DNAH1: variants seen among roughly 807,000 people sequenced by gnomAD.
DNAH1 encodes the protein axonemal beta dynein heavy chain 1.
A neutral mutation model predicts 484.3 loss-of-function variants in DNAH1; 327 were observed. That is an observed-to-expected ratio of 0.68 (90% CI 0.62 to 0.74). The LOEUF is 0.74. Ranked by LOEUF, DNAH1 falls within the 30% of genes least tolerant of loss-of-function variation. The probability of loss-of-function intolerance (pLI) is 0.00; values close to 1 mark genes in which losing one functional copy is unlikely to be tolerated. For synonymous variants in DNAH1, 2,192 were observed against 2,191.9 expected (o/e 1.00, Z 0.00); for missense variants, 5,052 against 5,546.8 (o/e 0.91, Z 2.83).
rs534846709 is a variant in DNAH1 at position 52,383,460 on chromosome 3, G to A, written c.8016G>A (p.Ala2672=). The part of the protein sequence containing the change: ...NSGDIPNLYT[A]DEQDQIVSTM... ...GTGACATTCCCAATCTGTATACTGC[G>A]GACGAGCAGGACCAGATCGTCAGCA... The change falls in exon 51 of 78, where the codon GCG becomes GCA. Residue 2672 remains alanine, a synonymous_variant. Coordinates refer to ENST00000420323, the MANE Select transcript of DNAH1 (RefSeq NM_015512.5). 1.7e-5 allele frequency: 28 copies of A among 1,613,996 alleles called. No individual in the cohort carries two copies. The highest frequency in any genetic ancestry group is 1.7e-4 in the Admixed American group (10 of 60,022).
chr3:52,315,295 C>T (rs1389051712), upstream of DNAH1, among the ~76,000 whole-genome samples: 1 of 152,220 alleles, frequency 6.6e-6, no homozygotes, highest in Admixed American at 6.5e-5. Flanking sequence ...GGTAGCTCAG[C>T]CACTCAGTCT....
Position 52,381,764 on chromosome 3 carries a change from C to T in DNAH1, c.7733C>T (p.Ala2578Val), listed in dbSNP as rs1479974777. ...CGCATCAGCCGCACCCTACGCCAGG[C>T]GCTGGGCAATGCACTCCTGCTGGGC... ...ICRISRTLRQ[A>V]LGNALLLGVG... Residue 2578 changes from alanine (A) to valine (V), a missense_variant, in exon 49 of 78, where the codon GCG becomes GTG. Physicochemically the swap from Ala to Val is moderately conservative, Grantham distance 64. Coordinates refer to ENST00000420323, the MANE Select transcript of DNAH1 (RefSeq NM_015512.5). This position sits in a 1 kb window ranked among gnomAD's most constrained non-coding sequence, Gnocchi z 4.1. 8 of 1,605,176 alleles carry T rather than the reference C, an allele frequency of 5.0e-6. No individual in the cohort carries two copies. The highest frequency in any genetic ancestry group is 3.4e-5 in the Admixed American group (2 of 59,060).
chr3:52,392,952 C>T lies in DNAH1; in HGVS notation c.10401C>T (p.Asp3467=), dbSNP rs1578201431. ...GTGTGTCCGACCTGGCCAACGTGGACCCCATGTACCAGTACTCCCTTGAGT... is the reference window on the plus strand; with the variant it reads ...GTGTGTCCGACCTGGCCAACGTGGATCCCATGTACCAGTACTCCCTTGAGT... ...FFCVSDLANV[D]PMYQYSLEWF... is the part of the protein sequence containing the mutation. The change falls in exon 65 of 78, where the codon GAC becomes GAT. Residue 3467 remains aspartate, a synonymous_variant. Transcript: ENST00000420323. The T allele has an allele frequency of 6.2e-7, 1 of 1,613,770 alleles. No homozygotes were observed. Among genetic ancestry groups the T allele is most frequent in the Non-Finnish European group, 8.5e-7 (1 of 1,179,846 alleles).
Position 52,353,566 on chromosome 3 carries a change from T to G in DNAH1, c.3413T>G (p.Leu1138Arg). The change falls in exon 20 of 78, where the codon CTG becomes CGG. Residue 1138 changes from leucine to arginine, a missense_variant. Around this residue, in one of 4 missense-constraint regions of DNAH1, gnomAD observed 2,929 missense variants for 3,409.4 expected, o/e 0.86. Transcript: ENST00000420323. This position sits in a 1 kb window ranked among gnomAD's most constrained non-coding sequence, Gnocchi z 5.0. Reference sequence around the variant, plus strand: ...TTTGCTCGCTGCCTGGAGATGAACCTGCAGGACCATATCGAGAGCATCAGC... The same window carrying G: ...TTTGCTCGCTGCCTGGAGATGAACCGGCAGGACCATATCGAGAGCATCAGC... ...LTFARCLEMNLQDHIESISKV... is the reference protein window; with the variant it reads ...LTFARCLEMNRQDHIESISKV... The G allele has an allele frequency of 6.2e-7, 1 of 1,613,188 alleles. No homozygotes were observed. Among genetic ancestry groups the G allele is most frequent in the Non-Finnish European group, 8.5e-7 (1 of 1,179,606 alleles).
At position 52,378,879 on chromosome 3, in the gene DNAH1, G is replaced by C. The variant is rs1703720475; in HGVS notation, c.7377+99G>C. 1.4e-5 allele frequency: 21 copies of C among 1,481,434 alleles called. 1 individual carries two copies. The South Asian group carries it at 2.6e-4, about 18-fold the overall frequency. The allele number at this position is 1,481,434 out of a possible 1,614,324, so 91.8% of individuals were successfully genotyped here. On this transcript the variant is annotated intron_variant, in intron 47 of 77. Coordinates refer to ENST00000420323, the MANE Select transcript of DNAH1 (RefSeq NM_015512.5). ...GCCTTCCTGCCCAAACAGGCCCTGAGTGGGGCTTCCTGGAACATGGAGGTG... is the reference window on the plus strand; with the variant it reads ...GCCTTCCTGCCCAAACAGGCCCTGACTGGGGCTTCCTGGAACATGGAGGTG...
chr3:52,396,923 G>A lies in DNAH1; in HGVS notation c.11666G>A (p.Trp3889Ter), dbSNP rs1559576203. Reference sequence around the variant, plus strand: ...TACGGGGGCCGTGTCACTGATGACTGGGACCGGCGCTGCATCATGAACATC... The same window carrying A: ...TACGGGGGCCGTGTCACTGATGACTAGGACCGGCGCTGCATCATGAACATC... ...INYGGRVTDD[W>*]DRRCIMNILE... The change falls in exon 73 of 78, where the codon TGG becomes TAG. Residue 3889 changes from tryptophan to a stop codon, truncating the protein, a stop_gained. Transcript: ENST00000420323. LOFTEE classifies it high-confidence loss of function. The A allele has an allele frequency of 6.2e-7, 1 of 1,613,436 alleles. No homozygotes were observed. Among genetic ancestry groups the A allele is most frequent in the Non-Finnish European group, 8.5e-7 (1 of 1,179,826 alleles).
chr3:52,355,901 G>A lies in DNAH1; in HGVS notation c.3694-713G>A, dbSNP rs771084385. On this transcript the variant is annotated intron_variant, in intron 21 of 77. Coordinates refer to ENST00000420323, the MANE Select transcript of DNAH1 (RefSeq NM_015512.5). This position sits in a 1 kb window ranked among gnomAD's most constrained non-coding sequence, Gnocchi z 4.5. ...TCTTTCAGAGTCCACTACACATGCC[G>A]GGCCCATGATTCAGGGGCAGAACTG... is the stretch of plus-strand genomic sequence containing the variant. 7.9e-5 allele frequency among the ~76,000 whole-genome samples: 12 copies of A among 152,308 alleles called. No individual in the cohort carries two copies. Among genetic ancestry groups the A allele is most frequent in the East Asian group, 1.9e-4 (1 of 5,186 alleles).
rs1316785961 is a variant in DNAH1, at chr3:52,391,957, G to A, written c.10052+354G>A. On this transcript the variant is annotated intron_variant, in intron 63 of 77. Coordinates refer to ENST00000420323, the MANE Select transcript of DNAH1 (RefSeq NM_015512.5). ...CAGAGCTGACCCAGAGCCCTGAGTC[G>A]GGCACACTCTGGCTCTTTGAATCCA... 3.4e-4 allele frequency among the ~76,000 whole-genome samples: 51 copies of A among 152,108 alleles called. 1 individual carries two copies. The highest frequency in any genetic ancestry group is 3.2e-3 in the Admixed American group (49 of 15,272).
intron 46 of DNAH1, among the ~76,000 whole-genome samples, chr3:52,378,062 T>C (rs139918184): frequency 2.6e-5 from 4 of 152,128 alleles, no homozygotes; most frequent in African/African-American, 4.8e-5. Flanking sequence ...AGAATTTGGG[T>C]TCCCAGCACA....
chr3:52,369,623 GTCC>G (rs1359394406), intron 37 of DNAH1, among the ~76,000 whole-genome samples, 199 bp from the exon 38 acceptor site: 1 of 152,080 alleles, frequency 6.6e-6, no homozygotes, highest in African/African-American at 2.4e-5. Context: ...CTGACTTGGG[GTCC>G]TCCTCAGGGC....
chr3:52,315,178 G>C (rs1033651492), upstream of DNAH1, among the ~76,000 whole-genome samples: 2 of 152,110 alleles, frequency 1.3e-5, no homozygotes, highest in African/African-American at 2.4e-5. Context: ...CCCCGCCCCC[G>C]ATGCCTGCAA....
rs933455460 is a variant in DNAH1 at position 52,359,475 on chromosome 3, T to A, written c.4407+89T>A. 25 of 1,506,440 alleles carry A rather than the reference T, an allele frequency of 1.7e-5. No individual in the cohort carries two copies. The South Asian group carries it at 3.2e-4, about 19-fold the overall frequency. 93.3% of individuals were successfully genotyped at this position (1,506,440 alleles called of 1,614,324 possible). On this transcript the variant is annotated intron_variant, in intron 26 of 77. Transcript: ENST00000420323. ...TCCCTCCGGAAGCTTTCTCCTATAG[T>A]GAGCCTGGAAGAGGCCTGGGGTTGG...
chr3:52,341,342 G>A (rs1163933352), intron 8 of DNAH1, among the ~76,000 whole-genome samples: 1 of 152,098 alleles, frequency 6.6e-6, no homozygotes, highest in East Asian at 1.9e-4. Flanking sequence ...TTGTGCAAGC[G>A]ATTTATGAAA....
At chr3:52,384,337 G>A (rs1047609197) in intron 52 of DNAH1, among the ~76,000 whole-genome samples, 11 of 152,228 alleles carry the variant, frequency 7.2e-5, no homozygotes, top group African/African-American at 2.7e-4. Context: ...AGATGGGGGT[G>A]TAGATTTGCC....
intron 36 of DNAH1, 44 bp downstream of exon 36, chr3:52,366,931 C>T: frequency 6.4e-7 from 1 of 1,570,924 alleles, no homozygotes. Context: ...TGCTCCCAGA[C>T]CTCTGGAGGC....
chr3:52,378,825 C>A, intron 47 of DNAH1, 45 bp downstream of exon 47: 1 of 1,607,812 alleles, frequency 6.2e-7, no homozygotes, highest in Non-Finnish European at 8.5e-7. Flanking sequence ...CACTGCTCTC[C>A]GCATCCTCCC....
chr3:52,370,843 C>A lies in DNAH1; in HGVS notation c.6525+18C>A. The stretch of plus-strand genomic sequence containing the variant: ...ACAAGCAGGTGGCCGCAGGCCCTCC[C>A]CAGAGACTGCACAGGGAGGGACCAC... On this transcript the variant is annotated intron_variant, in intron 41 of 77. Transcript: ENST00000420323. The A allele has an allele frequency of 6.4e-7, 1 of 1,573,242 alleles. No homozygotes were observed. Among genetic ancestry groups the A allele is most frequent in the East Asian group, 2.3e-5 (1 of 42,590 alleles).
rs1703869031 is a variant in DNAH1 at position 52,381,951 on chromosome 3, T to G, written c.7805+115T>G. ...CTCGGGCAACCCTGAAGTAGGCCCG[T>G]GCAGCCTACAGGCTTCTGGAAAGAC... is the stretch of plus-strand genomic sequence containing the variant. On this transcript the variant is annotated intron_variant, in intron 49 of 77. Transcript: ENST00000420323. The surrounding 1 kb of genome is among the most constrained non-coding windows in gnomAD (Gnocchi z 4.1). 1.8e-6 allele frequency: 2 copies of G among 1,141,680 alleles called. No homozygotes were observed. Among genetic ancestry groups the G allele is most frequent in the Non-Finnish European group, 2.4e-6 (2 of 822,764 alleles). 70.7% of individuals were successfully genotyped at this position (1,141,680 alleles called of 1,614,324 possible).
chr3:52,388,637 C>T, intron 58 of DNAH1, 28 bp downstream of exon 58: 2 of 1,611,712 alleles, frequency 1.2e-6, no homozygotes, highest in Non-Finnish European at 1.7e-6. Context: ...GCAAGGCCTG[C>T]AAGCGGGCCC....
Sources: allele counts gnomAD v4.1 joint callset (sites outside exome capture counted in the v4.1 genomes callset), GRCh38; gene constraint gnomAD v4.1.1; regional missense constraint gnomAD v4.1.1; non-coding constraint Gnocchi (gnomAD v3.1); transcripts MANE v1.5; gene names NCBI Gene and HGNC (gene_info 2026-07-23, HGNC 2026-07-21).